The following CNTN5 variants were observed in gnomAD, a reference collection of about 807,000 sequenced individuals.
CNTN5 encodes contactin 5.
In CNTN5, 77 loss-of-function variants were observed where a neutral mutation model predicts 129.1. That is an observed-to-expected ratio of 0.60 (90% CI 0.50 to 0.72). The LOEUF is 0.72. CNTN5 is among the 30% of genes least tolerant of loss of function. The pLI is 0.00. For synonymous variants in CNTN5, 509 were observed against 465.6 expected (o/e 1.09, Z -1.20); for missense variants, 1,478 against 1,328.8 (o/e 1.11, Z -1.75).
At chr11:99,988,379 A>G (rs1938830668) in intron 8 of CNTN5, among the ~76,000 whole-genome samples, 1 of 152,218 alleles carries the variant, frequency 6.6e-6, no homozygotes, top group African/African-American at 2.4e-5. Context: ...CCTCCAGGAT[A>G]TTTTAGGTCC....
chr11:99,684,422 C>G (rs976395798), intron 3 of CNTN5, among the ~76,000 whole-genome samples: 3 of 150,154 alleles, frequency 2.0e-5, no homozygotes, highest in African/African-American at 7.3e-5. Context: ...TGTAATTGTA[C>G]AAAGTTAAAA....
intron 2 of CNTN5, among the ~76,000 whole-genome samples, chr11:99,385,857 C>T (rs111892783): frequency 3.9e-5 from 6 of 152,194 alleles, no homozygotes; most frequent in African/African-American, 1.4e-4. Context: ...ATTGTACATC[C>T]TACAAGATCT....
chr11:100,097,098 G>A (rs527779576), intron 13 of CNTN5, among the ~76,000 whole-genome samples: 91 of 152,170 alleles, frequency 6.0e-4, no homozygotes, highest in Admixed American at 2.1e-3. Flanking sequence ...TCCATTAACC[G>A]TTGAGATATT....
intron 12 of CNTN5, 69 bp downstream of exon 12, chr11:100,071,903 ATAC>A: frequency 7.5e-7 from 1 of 1,326,600 alleles, no homozygotes; most frequent in Admixed American, 2.9e-5. Context: ...AATTTTTACT[ATAC>A]TGAAGGTTTA....
At chr11:99,234,415 A>C (rs1861163971) in intron 1 of CNTN5, among the ~76,000 whole-genome samples, 1 of 152,344 alleles carries the variant, frequency 6.6e-6, no homozygotes, top group Non-Finnish European at 1.5e-5. Context: ...CATTATGTGC[A>C]CACATAGGAG....
intron 13 of CNTN5, among the ~76,000 whole-genome samples, chr11:100,179,775 C>G (rs909738077): frequency 4.6e-5 from 7 of 152,012 alleles, no homozygotes; most frequent in East Asian, 3.9e-4. Context: ...ACTAATGAAT[C>G]AAATTTGCAT....
At chr11:99,574,048 C>A (rs117932217) in intron 3 of CNTN5, among the ~76,000 whole-genome samples, 5,857 of 152,158 alleles carry the variant, frequency 0.038, 151 homozygotes, top group South Asian at 0.085. Context: ...AATGCTATCA[C>A]TCCCTATACC....
intron 3 of CNTN5, among the ~76,000 whole-genome samples, chr11:99,597,525 AT>A (rs1038898885): frequency 1.4e-5 from 2 of 145,718 alleles, no homozygotes; most frequent in Non-Finnish European, 1.5e-5. Context: ...AAAAAAAAAA[AT>A]ATAGGTTGTT....
chr11:99,064,062 G>C (rs1269920750), intron 1 of CNTN5, among the ~76,000 whole-genome samples: 1 of 151,974 alleles, frequency 6.6e-6, no homozygotes, highest in Non-Finnish European at 1.5e-5. Flanking sequence ...GTTAATTGCT[G>C]GGTCAAATTT....
chr11:99,039,448 A>G (rs570420228), intron 1 of CNTN5, among the ~76,000 whole-genome samples: 35 of 152,266 alleles, frequency 2.3e-4, no homozygotes, highest in African/African-American at 7.0e-4. Flanking sequence ...CTATCACTAG[A>G]CAAACTCAGA....
At chr11:99,613,764 T>C (rs1950669477) in intron 3 of CNTN5, among the ~76,000 whole-genome samples, 1 of 152,196 alleles carries the variant, frequency 6.6e-6, no homozygotes, top group African/African-American at 2.4e-5. Context: ...GCATTTGTGA[T>C]TTGATGGAAT....
intron 13 of CNTN5, among the ~76,000 whole-genome samples, chr11:100,140,709 T>C (rs1463994880): frequency 6.6e-6 from 1 of 152,086 alleles, no homozygotes; most frequent in Admixed American, 6.5e-5. Flanking sequence ...ATCTGGGATA[T>C]TAAAATCACC....
At chr11:99,094,626 A>G (rs1306056363) in intron 1 of CNTN5, among the ~76,000 whole-genome samples, 1 of 151,992 alleles carries the variant, frequency 6.6e-6, no homozygotes, top group Non-Finnish European at 1.5e-5. Context: ...AAATTTACAC[A>G]AGAGGAAGAA....
intron 13 of CNTN5, among the ~76,000 whole-genome samples, chr11:100,179,154 C>T (rs1446218586): frequency 1.3e-5 from 2 of 152,116 alleles, no homozygotes; most frequent in Non-Finnish European, 2.9e-5. Flanking sequence ...CTCTTAAATA[C>T]TAGATCATTC....
At chr11:100,227,269 A>G (rs1377177668) in intron 16 of CNTN5, among the ~76,000 whole-genome samples, 1 of 152,080 alleles carries the variant, frequency 6.6e-6, no homozygotes, top group Non-Finnish European at 1.5e-5. Context: ...CCCATGAGAG[A>G]TAGTCTATAA....
chr11:99,981,077 G>GAGATATATATATATATATATAT (rs1555171289), intron 8 of CNTN5, among the ~76,000 whole-genome samples: 1 of 57,590 alleles, frequency 1.7e-5, no homozygotes, highest in Non-Finnish European at 3.5e-5. Context: ...GAGCCAATAG[G>GAGATATATATATATATATATAT]ATATATATAT....
At chr11:100,284,260 G>A (rs921744319) in intron 18 of CNTN5, among the ~76,000 whole-genome samples, 1 of 152,178 alleles carries the variant, frequency 6.6e-6, no homozygotes, top group Non-Finnish European at 1.5e-5. Flanking sequence ...TTACAAAAGT[G>A]AGTTTTATGT....
chr11:99,747,429 T>C (rs1430550259), intron 3 of CNTN5, among the ~76,000 whole-genome samples: 1 of 150,990 alleles, frequency 6.6e-6, no homozygotes, highest in African/African-American at 2.4e-5. Flanking sequence ...GGCTGAGATT[T>C]CCCATACTAT....
At chr11:99,198,533 G>A (rs1324679678) in intron 1 of CNTN5, among the ~76,000 whole-genome samples, 3 of 151,588 alleles carry the variant, frequency 2.0e-5, no homozygotes, top group African/African-American at 7.3e-5. Flanking sequence ...TATTTAAAGG[G>A]AAAACAAATA....
Sources: gnomAD v4.1 joint callset for allele counts (sites outside exome capture counted in the v4.1 genomes callset) on GRCh38, gnomAD v4.1.1 for gene constraint, MANE v1.5 for transcripts, NCBI Gene and HGNC (gene_info 2026-07-23, HGNC 2026-07-21) for gene names.